The following DCHS2 variants were observed in gnomAD, a reference collection of about 807,000 sequenced individuals.
DCHS2 encodes the protein dachsous cadherin-related 2.
A neutral mutation model predicts 182.4 loss-of-function variants in DCHS2; 142 were observed. The observed-to-expected ratio is 0.78, with a 90% CI of 0.68 to 0.89. The LOEUF is 0.89. Ranked by LOEUF, DCHS2 falls within the 40% of genes least tolerant of loss-of-function variation. The pLI is 0.00. For synonymous variants in DCHS2, 1,740 were observed against 1,663.3 expected, an observed-to-expected ratio of 1.05 and a Z score of -1.12; for missense variants, 4,319 against 4,198.6, an observed-to-expected ratio of 1.03 and a Z score of -0.79.
At chr4:154,426,803 T>TA (rs1287298695) in intron 1 of DCHS2, among the ~76,000 whole-genome samples, 1 of 34,988 alleles carries the variant, frequency 2.9e-5, no homozygotes, top group Non-Finnish European at 1.5e-4. Flanking sequence ...TAAAATAAAA[T>TA]AACTAAAAGA....
chr4:154,298,592 G>C lies in DCHS2; in HGVS notation c.5722C>G (p.Leu1908Val). ...NFTLVILCSDLGDPPRSSVIH... is the reference protein window; with the variant it reads ...NFTLVILCSDVGDPPRSSVIH... ...ACAGAGCTCCTAGGTGGATCTCCCA[G>C]GTCAGAGCACAGAATGACAAGGGTA... Residue 1908 changes from leucine to valine, a missense_variant, in exon 13 of 20, where the codon CTG becomes GTG. Coordinates refer to ENST00000357232, the MANE Select transcript of DCHS2 (RefSeq NM_001358235.2). 8 of 1,614,122 alleles carry C rather than the reference G, an allele frequency of 5.0e-6. No individual in the cohort carries two copies. The highest frequency in any genetic ancestry group is 6.8e-6 in the Non-Finnish European group (8 of 1,179,980).
intron 1 of DCHS2, among the ~76,000 whole-genome samples, chr4:154,425,489 C>T (rs1472782068): frequency 6.6e-6 from 1 of 152,162 alleles, no homozygotes; most frequent in Non-Finnish European, 1.5e-5. Context: ...TATTTAGAAG[C>T]CAAATGCCAA....
intron 1 of DCHS2, among the ~76,000 whole-genome samples, chr4:154,395,957 A>G (rs1731912173): frequency 6.6e-6 from 1 of 152,210 alleles, no homozygotes; most frequent in Non-Finnish European, 1.5e-5. Flanking sequence ...TAAAAAATGG[A>G]AGAGTTATTC....
Position 154,235,139 on chromosome 4 carries a change from T to G in DCHS2, c.9513A>C (p.Glu3171Asp), listed in dbSNP as rs752028220. Residue 3171 changes from glutamate to aspartate, a missense_variant, in exon 20 of 20, where the codon GAA (glutamate) becomes GAC (aspartate). Physicochemically the swap from Glu to Asp is conservative, Grantham distance 45 (BLOSUM62 2). Coordinates refer to ENST00000357232, the MANE Select transcript of DCHS2 (RefSeq NM_001358235.2). Reference protein sequence around the residue: ...SQTFGEGDQGEGCSTTCAQNN... With the variant: ...SQTFGEGDQGDGCSTTCAQNN... ...TTTGAGCACAGGTGGTGCTGCAGCC[T>G]TCCCCTTGATCTCCTTCCCCAAATG... The G allele has an allele frequency of 1.2e-6, 2 of 1,614,050 alleles. No individual in the cohort carries two copies. The highest frequency in any genetic ancestry group is 8.5e-7 in the Non-Finnish European group (1 of 1,179,962).
chr4:154,358,242 C>G (rs183300883), intron 3 of DCHS2, among the ~76,000 whole-genome samples: 32 of 152,248 alleles, frequency 2.1e-4, no homozygotes, highest in Admixed American at 4.6e-4. Flanking sequence ...TGGAATCTAT[C>G]TATTCTTTCC....
intron 1 of DCHS2, among the ~76,000 whole-genome samples, chr4:154,387,589 T>C (rs1731480098): frequency 6.6e-6 from 1 of 152,050 alleles, no homozygotes; most frequent in East Asian, 1.9e-4. Flanking sequence ...GTACAAAGAA[T>C]ATATAAAGAA....
intron 13 of DCHS2, among the ~76,000 whole-genome samples, chr4:154,291,982 A>C (rs1734686802): frequency 6.6e-6 from 1 of 152,196 alleles, no homozygotes; most frequent in African/African-American, 2.4e-5. Flanking sequence ...AAAGTATACA[A>C]GCTTGAGGAG....
chr4:154,237,146 A>G lies in DCHS2; in HGVS notation c.7506T>C (p.Thr2502=). ...TATCCAGAAGTAATACGGGACTGAT[A>G]GTAAATATTGTGCCTGAAAAATAAG... ...SIDPKNGTIF[T]ISPVLLLDTI... Residue 2502 remains threonine, a synonymous_variant, in exon 20 of 20, where the codon ACT becomes ACC. Coordinates refer to ENST00000357232, the MANE Select transcript of DCHS2 (RefSeq NM_001358235.2). 1.2e-6 allele frequency: 2 copies of G among 1,609,392 alleles called. No homozygotes were observed. The highest frequency in any genetic ancestry group is 1.7e-6 in the Non-Finnish European group (2 of 1,178,422).
chr4:154,465,184 C>T (rs910175458), intron 1 of DCHS2, among the ~76,000 whole-genome samples: 2 of 152,102 alleles, frequency 1.3e-5, no homozygotes, highest in African/African-American at 4.8e-5. Flanking sequence ...AATCAAGGTG[C>T]CAGATCGAGC....
intron 1 of DCHS2, among the ~76,000 whole-genome samples, chr4:154,450,819 A>C (rs1304991280): frequency 6.6e-6 from 1 of 152,044 alleles, no homozygotes; most frequent in Non-Finnish European, 1.5e-5. Flanking sequence ...TGAAACTCCC[A>C]TCTCAGAAAA....
intron 1 of DCHS2, among the ~76,000 whole-genome samples, chr4:154,446,875 T>A (rs1351398103): frequency 5.9e-5 from 9 of 152,186 alleles, no homozygotes; most frequent in Non-Finnish European, 1.3e-4. Flanking sequence ...TGTTTTCTCA[T>A]CAAATTACTT....
chr4:154,290,038 A>G (rs1342877879), intron 13 of DCHS2, among the ~76,000 whole-genome samples: 1 of 152,154 alleles, frequency 6.6e-6, no homozygotes, highest in East Asian at 1.9e-4. Flanking sequence ...TTATATTTGG[A>G]AAAACCTAAA....
intron 10 of DCHS2, among the ~76,000 whole-genome samples, chr4:154,315,383 G>A (rs989881969): frequency 2.6e-5 from 4 of 152,074 alleles, no homozygotes; most frequent in Non-Finnish European, 5.9e-5. Flanking sequence ...ATATACAGAG[G>A]AAATAAAGAA....
At chr4:154,244,203 G>A (rs972728123) in intron 16 of DCHS2, among the ~76,000 whole-genome samples, 1 of 152,154 alleles carries the variant, frequency 6.6e-6, no homozygotes, top group Non-Finnish European at 1.5e-5. Context: ...TGGGCAGGGA[G>A]CCGCCTTATT....
intron 1 of DCHS2, among the ~76,000 whole-genome samples, chr4:154,413,936 C>T (rs1436820838): frequency 6.6e-6 from 1 of 151,958 alleles, no homozygotes; most frequent in Non-Finnish European, 1.5e-5. Context: ...TTCTTGAGAC[C>T]CTGGTTAATA....
chr4:154,305,690 C>T (rs1735419206), intron 10 of DCHS2, among the ~76,000 whole-genome samples: 2 of 152,164 alleles, frequency 1.3e-5, no homozygotes, highest in Non-Finnish European at 2.9e-5. Flanking sequence ...CCTAGAATTG[C>T]TTATACACGT....
intron 1 of DCHS2, among the ~76,000 whole-genome samples, chr4:154,393,459 A>G (rs1333815275): frequency 6.6e-6 from 1 of 152,190 alleles, no homozygotes; most frequent in African/African-American, 2.4e-5. Context: ...ATTCTTTTAA[A>G]AAGATCCTCT....
chr4:154,369,072 A>G (rs1730523466), intron 2 of DCHS2, among the ~76,000 whole-genome samples: 1 of 152,222 alleles, frequency 6.6e-6, no homozygotes, highest in African/African-American at 2.4e-5. Context: ...TCAGAAAACT[A>G]AAATGTAAAA....
intron 3 of DCHS2, among the ~76,000 whole-genome samples, chr4:154,364,387 T>C (rs1274849976): frequency 1.3e-5 from 2 of 152,240 alleles, no homozygotes; most frequent in Admixed American, 1.3e-4. Flanking sequence ...GTGCCCTGAT[T>C]ACTGGCTGAC....
Sources: allele counts gnomAD v4.1 joint callset (sites outside exome capture counted in the v4.1 genomes callset), GRCh38; gene constraint gnomAD v4.1.1; transcripts MANE v1.5; gene names NCBI Gene and HGNC (gene_info 2026-07-23, HGNC 2026-07-21).